The following SLC28A1 variants were observed in gnomAD, a reference collection of about 807,000 sequenced individuals.
SLC28A1 encodes sodium/nucleoside cotransporter 1.
SLC28A1 carries 64 observed loss-of-function variants against 74.8 expected under a neutral mutation model. That is an observed-to-expected ratio of 0.86 (90% CI 0.70 to 1.05). The LOEUF (loss-of-function observed/expected upper bound fraction) is 1.05, where lower values mean the gene tolerates loss of function less well. Ranked by LOEUF, SLC28A1 falls within the 50% of genes least tolerant of loss-of-function variation. The pLI is 0.00. For synonymous variants in SLC28A1, 359 were observed against 335.0 expected (o/e 1.07, Z -0.78); for missense variants, 828 against 822.8 (o/e 1.01, Z -0.08).
chr15:84,888,444 C>G (rs1183452585), intron 3 of SLC28A1, among the ~76,000 whole-genome samples: 2 of 148,108 alleles, frequency 1.4e-5, no homozygotes, highest in Non-Finnish European at 3.0e-5. Context: ...GCATGGTGCC[C>G]TGAGGTCATG....
rs774777338 is a variant in SLC28A1 at position 84,887,816 on chromosome 15, A to C, written c.56A>C (p.Lys19Thr). The C allele has an allele frequency of 1.2e-6, 2 of 1,614,060 alleles. No individual in the cohort carries two copies. The highest frequency in any genetic ancestry group is 3.3e-5 in the Admixed American group (2 of 60,014). The stretch of plus-strand genomic sequence containing the variant: ...TCCATCTCTCTCACACCTGTGGCCA[A>C]GGGTCTGGAGAACATGGGGGCTGAT... The part of the protein sequence containing the change: ...RESISLTPVA[K>T]GLENMGADFL... The change falls in exon 3 of 19, where the codon AAG becomes ACG. Residue 19 changes from lysine to threonine, a missense_variant. This residue lies in a region of SLC28A1 where 767 missense variants were observed against 753.5 expected (regional missense o/e 1.02). Transcript: ENST00000394573.
intron 4 of SLC28A1, 106 bp from the exon 5 acceptor site, chr15:84,890,337 C>T (rs1000824695): frequency 1.6e-5 from 13 of 817,406 alleles, no homozygotes; most frequent in Non-Finnish European, 2.6e-5. Flanking sequence ...CCCTGGCTTG[C>T]CCCTGTTGCC....
rs759004872 is a variant in SLC28A1 at position 84,944,547 on chromosome 15, C to T, written c.1664-19C>T. The T allele has an allele frequency of 1.0e-5, 16 of 1,571,224 alleles. No homozygotes were observed. The highest frequency in any genetic ancestry group is 1.7e-5 in the Admixed American group (1 of 59,962). ...GGGACACAGCTTCCCAGGCCCTGAG[C>T]ACTTCTGTCCCCTTGCAGCCTCCAT... On this transcript the variant is annotated intron_variant, in intron 16 of 18. Coordinates refer to ENST00000394573, the MANE Select transcript of SLC28A1 (RefSeq NM_004213.5).
At chr15:84,957,853 A>C in the SLC28A1 span, among the ~76,000 whole-genome samples, 1 of 152,184 alleles carries the variant, frequency 6.6e-6, no homozygotes. Context: ...TTCTGCAAAA[A>C]ACCCAGCTGA....
intron 18 of SLC28A1, 127 bp downstream of exon 18, chr15:84,944,994 T>A (rs1596372857): frequency 2.8e-6 from 3 of 1,082,676 alleles, no homozygotes; most frequent in Non-Finnish European, 4.3e-6. Context: ...AATGGGGAGG[T>A]GAAGGCTCGA....
intron 9 of SLC28A1, among the ~76,000 whole-genome samples, chr15:84,910,772 C>A (rs935147871): frequency 6.6e-6 from 1 of 152,118 alleles, no homozygotes; most frequent in Non-Finnish European, 1.5e-5. Flanking sequence ...ACACCCGACA[C>A]TCTGCAGTTC....
At chr15:84,912,745 G>C (rs149125667) in intron 9 of SLC28A1, among the ~76,000 whole-genome samples, 3 of 150,762 alleles carry the variant, frequency 2.0e-5, no homozygotes, top group Non-Finnish European at 4.4e-5. Context: ...TGAGAGTTTC[G>C]GGATGTCTGA....
At chr15:84,928,571 T>TCTCC (rs1567172127) in intron 12 of SLC28A1, among the ~76,000 whole-genome samples, 7 of 16,924 alleles carry the variant, frequency 4.1e-4, no homozygotes, top group African/African-American at 2.2e-3. Context: ...TCTTTCTTTC[T>TCTCC]TTCTTTCTTT....
the SLC28A1 span, among the ~76,000 whole-genome samples, chr15:84,954,411 T>C: frequency 1.1e-4 from 17 of 152,332 alleles, no homozygotes; most frequent in South Asian, 3.5e-3. Context: ...AAATCTGAGA[T>C]AATAGAAATA....
At chr15:84,896,582 G>A (rs749013686) in intron 6 of SLC28A1, among the ~76,000 whole-genome samples, 11 of 152,190 alleles carry the variant, frequency 7.2e-5, no homozygotes, top group Non-Finnish European at 1.2e-4. Context: ...GGGAGGCCGA[G>A]GTGGGTGGAT....
intron 15 of SLC28A1, among the ~76,000 whole-genome samples, chr15:84,942,134 T>A (rs910102273): frequency 1.3e-5 from 2 of 152,210 alleles, no homozygotes; most frequent in African/African-American, 2.4e-5. Context: ...ACCAATTTTT[T>A]AAATAATTTT....
chr15:84,970,829 A>G, the SLC28A1 span, among the ~76,000 whole-genome samples: 2 of 139,228 alleles, frequency 1.4e-5, no homozygotes, highest in Non-Finnish European at 3.0e-5. Flanking sequence ...GAGACCTCAT[A>G]TCTACAAAAA....
Position 84,886,715 on chromosome 15 carries a change from T to C in SLC28A1, c.-89T>C, listed in dbSNP as rs1964641192. On this transcript the variant is annotated 5_prime_UTR_variant, in exon 2 of 19. Transcript: ENST00000394573. ...CAAGGCAAGCCAGAGCCAAAGCAGG[T>C]TGGACCCAGCTTGTCCCCACAGAGA... The C allele has an allele frequency of 3.0e-6, 3 of 985,386 alleles. No homozygotes were observed. Among genetic ancestry groups the C allele is most frequent in the African/African-American group, 1.7e-5 (1 of 57,252 alleles). The allele number at this position is 985,386 out of a possible 1,614,324, so 61.0% of individuals were successfully genotyped here.
In SLC28A1 at chr15:84,884,769, T is replaced by C. The variant is rs1318446965; in HGVS notation, c.-133+18T>C. 2 of 983,142 alleles carry C rather than the reference T, an allele frequency of 2.0e-6. No homozygotes were observed. Among genetic ancestry groups the C allele is most frequent in the African/African-American group, 1.8e-5 (1 of 57,044 alleles). 60.9% of individuals were successfully genotyped at this position (983,142 alleles called of 1,614,324 possible). On this transcript the variant is annotated intron_variant, in intron 1 of 18. Transcript: ENST00000394573. Reference sequence around the variant, plus strand: ...AAACAAGGGTGAGAGAAAAGGACAGTAGGAGAGGAGGGAAGGCGGGACTGA... The same window carrying C: ...AAACAAGGGTGAGAGAAAAGGACAGCAGGAGAGGAGGGAAGGCGGGACTGA...
At chr15:84,956,454 T>C in the SLC28A1 span, among the ~76,000 whole-genome samples, 4,858 of 82,270 alleles carry the variant, frequency 0.059, 87 homozygotes, top group African/African-American at 0.087. Context: ...TTTCTTTCTT[T>C]CTTTCTTTCT....
At chr15:84,949,078 A>G (rs568455484), downstream of SLC28A1, among the ~76,000 whole-genome samples, 2 of 152,330 alleles carry the variant, frequency 1.3e-5, no homozygotes, top group Admixed American at 6.5e-5. Context: ...ATGACAATCC[A>G]TCAAGTATTT....
intron 6 of SLC28A1, among the ~76,000 whole-genome samples, chr15:84,903,745 G>A (rs576339215): frequency 6.8e-4 from 103 of 152,290 alleles, no homozygotes; most frequent in Middle Eastern, 3.4e-3. Flanking sequence ...TCACTGCAGC[G>A]GTGAGATTCC....
At position 84,904,192 on chromosome 15, in the gene SLC28A1, G is replaced by T. The variant is rs1275462228; in HGVS notation, c.557G>T (p.Cys186Phe). ...CAACTGGTGTCCTTCGCAGGAATCT[G>T]CGTGTTCGTCGCTCTCCTCTTTGCC... ...PEQLVSFAGI[C>F]VFVALLFACS... The change falls in exon 7 of 19, where the codon TGC becomes TTC. Residue 186 changes from cysteine to phenylalanine, a missense_variant. This residue lies in a region of SLC28A1 where 767 missense variants were observed against 753.5 expected (regional missense o/e 1.02). Coordinates refer to ENST00000394573, the MANE Select transcript of SLC28A1 (RefSeq NM_004213.5). 1.9e-5 allele frequency: 30 copies of T among 1,614,094 alleles called. No homozygotes were observed. Among genetic ancestry groups the T allele is most frequent in the Non-Finnish European group, 2.5e-5 (30 of 1,180,054 alleles).
At chr15:84,918,465 C>A in intron 9 of SLC28A1, 59 bp from the exon 10 acceptor site, 1 of 1,390,042 alleles carries the variant, frequency 7.2e-7, no homozygotes, top group Non-Finnish European at 1.0e-6. Flanking sequence ...TGGGCCCCGC[C>A]TGGCACCCTG....
Sources: allele counts gnomAD v4.1 joint callset (sites outside exome capture counted in the v4.1 genomes callset), GRCh38; gene constraint gnomAD v4.1.1; regional missense constraint gnomAD v4.1.1; transcripts MANE v1.5; gene names NCBI Gene and HGNC (gene_info 2026-07-23, HGNC 2026-07-21).